Variants in PPIP5K2 observed in about 807,000 individuals in gnomAD.
PPIP5K2 encodes diphosphoinositol pentakisphosphate kinase 2.
Under a neutral mutation model 154.6 loss-of-function variants are expected in PPIP5K2, and 105 were observed. That is an observed-to-expected ratio of 0.68 (90% confidence interval 0.58 to 0.80). The LOEUF (loss-of-function observed/expected upper bound fraction) is 0.80, where lower values mean the gene tolerates loss of function less well. PPIP5K2 is among the 30% of genes least tolerant of loss of function. The probability of loss-of-function intolerance (pLI) is 0.00; values close to 1 mark genes in which losing one functional copy is unlikely to be tolerated. For synonymous variants in PPIP5K2, 480 were observed against 490.3 expected (o/e 0.98, Z 0.28); for missense variants, 992 against 1,504.6 (o/e 0.66, Z 5.64).
intron 1 of PPIP5K2, among the ~76,000 whole-genome samples, chr5:103,123,942 A>G (rs1259315269): frequency 6.6e-6 from 1 of 152,194 alleles, no homozygotes; most frequent in African/African-American, 2.4e-5. Context: ...TAAGTGAAAT[A>G]ATACAAACCA....
chr5:103,174,158 G>A, intron 21 of PPIP5K2, 186 bp downstream of exon 21: 1 of 472,490 alleles, frequency 2.1e-6, no homozygotes, highest in Non-Finnish European at 3.7e-6. Flanking sequence ...GTTCTCTTCA[G>A]AGAAGATACA....
rs544304738 is a variant in PPIP5K2, at chr5:103,159,100, C to T, written c.1738-46C>T. On this transcript the variant is annotated intron_variant, in intron 16 of 30. Transcript: ENST00000358359. ...CAGTATGTAACAAAATATTATTTTA[C>T]GTATTAATTTTTTAAATTCGTGTTT... The T allele has an allele frequency of 3.3e-5, 42 of 1,276,444 alleles. 1 individual carries two copies. The highest frequency in any genetic ancestry group is 1.3e-4 in the Admixed American group (5 of 39,688). 79.1% of individuals were successfully genotyped at this position (1,276,444 alleles called of 1,614,324 possible). A position where few individuals can be genotyped will look rare whatever the true frequency, so the allele number is the denominator to read the frequency against.
intron 20 of PPIP5K2, 142 bp downstream of exon 20, chr5:103,173,424 TAAG>T: frequency 9.4e-7 from 1 of 1,063,332 alleles, no homozygotes; most frequent in Non-Finnish European, 1.3e-6. Flanking sequence ...GTATTTCTAT[TAAG>T]TTCCAACCAA....
intron 1 of PPIP5K2, among the ~76,000 whole-genome samples, chr5:103,124,137 G>C (rs1056347596): frequency 6.6e-6 from 1 of 152,028 alleles, no homozygotes; most frequent in South Asian, 2.1e-4. Flanking sequence ...AAAATTAGCT[G>C]AGTGTGGTGG....
At chr5:103,161,833 T>C (rs891433692) in intron 17 of PPIP5K2, among the ~76,000 whole-genome samples, 1 of 152,002 alleles carries the variant, frequency 6.6e-6, no homozygotes, top group Non-Finnish European at 1.5e-5. Context: ...CTTTGAGTTC[T>C]TTGTAGATTC....
At chr5:103,160,755 A>G (rs533649059) in intron 17 of PPIP5K2, among the ~76,000 whole-genome samples, 2 of 152,214 alleles carry the variant, frequency 1.3e-5, no homozygotes, top group South Asian at 4.1e-4. Flanking sequence ...ATTACAATTT[A>G]TATATGCTTT....
intron 5 of PPIP5K2, among the ~76,000 whole-genome samples, chr5:103,140,653 C>T (rs1395131507): frequency 1.3e-5 from 2 of 149,570 alleles, no homozygotes; most frequent in South Asian, 2.1e-4. Context: ...ATCGAGACCA[C>T]GGTGAAACCC....
intron 5 of PPIP5K2, among the ~76,000 whole-genome samples, chr5:103,145,381 CA>C (rs1183464329): frequency 6.6e-6 from 1 of 152,070 alleles, no homozygotes; most frequent in Non-Finnish European, 1.5e-5. Flanking sequence ...TATGATCTTG[CA>C]ATCCCACTGC....
rs539308860 is a variant in PPIP5K2 at position 103,210,620 on chromosome 5, A to G, written c.*8986A>G. 1 of 152,080 alleles carries G rather than the reference A, an allele frequency of 6.6e-6. No homozygotes were observed. The highest frequency in any genetic ancestry group is 1.5e-5 in the Non-Finnish European group (1 of 67,974). The allele number at this position is 152,080 out of a possible 1,614,324, so 9.4% of individuals were successfully genotyped here. A position where few individuals can be genotyped will look rare whatever the true frequency, so the allele number is the denominator to read the frequency against. On this transcript the variant is annotated 3_prime_UTR_variant, in exon 31 of 31. Transcript: ENST00000358359. ...ACTATTCCTAGCTCCCTTTTCTTTC[A>G]TAGTCAACAAGTGCTTTTTGAACAA...
chr5:103,156,578 A>G (rs1476547650), intron 14 of PPIP5K2, among the ~76,000 whole-genome samples: 2 of 152,096 alleles, frequency 1.3e-5, no homozygotes, highest in African/African-American at 4.8e-5. Context: ...TGATAGTAAT[A>G]ATAATCTGTC....
chr5:103,183,417 C>G lies in PPIP5K2; in HGVS notation c.3096+10C>G, dbSNP rs1554223814. 1 of 1,599,966 alleles carries G rather than the reference C, an allele frequency of 6.3e-7. No individual in the cohort carries two copies. Among genetic ancestry groups the G allele is most frequent in the South Asian group, 1.1e-5 (1 of 89,480 alleles). On this transcript the variant is annotated intron_variant, in intron 25 of 30. Coordinates refer to ENST00000358359, the MANE Select transcript of PPIP5K2 (RefSeq NM_001276277.3). The stretch of plus-strand genomic sequence containing the variant: ...TGGCTCATGGCAACAGGTTTTTAAA[C>G]TTTACTTCATTAAACATTTTTCCTC...
At chr5:103,141,277 G>A (rs928572983) in intron 5 of PPIP5K2, among the ~76,000 whole-genome samples, 10 of 151,906 alleles carry the variant, frequency 6.6e-5, no homozygotes, top group African/African-American at 2.4e-4. Flanking sequence ...TGTCCCTTCC[G>A]ATGTTCAGAT....
Position 103,177,848 on chromosome 5 carries a change from C to T in PPIP5K2, c.2638-16C>T. ...TAAAGTTTCTCATTTTGAAAATGTT[C>T]TGTCATATTTCTTAGGATCTTTCCT... is the stretch of plus-strand genomic sequence containing the variant. On this transcript the variant is annotated splice_polypyrimidine_tract_variant and intron_variant, in intron 22 of 30. Transcript: ENST00000358359. The T allele has an allele frequency of 1.2e-6, 2 of 1,603,078 alleles. No homozygotes were observed. The highest frequency in any genetic ancestry group is 1.7e-6 in the Non-Finnish European group (2 of 1,170,816).
At chr5:103,171,097 C>A (rs1797914679) in intron 19 of PPIP5K2, among the ~76,000 whole-genome samples, 1 of 151,388 alleles carries the variant, frequency 6.6e-6, no homozygotes, top group Non-Finnish European at 1.5e-5. Flanking sequence ...TAATTCCAAT[C>A]ATTTCTAGGC....
In PPIP5K2 at chr5:103,180,152, T is replaced by A; in HGVS notation, c.2886T>A (p.Ser962=). 6.3e-7 allele frequency: 1 copy of A among 1,596,990 alleles called. No homozygotes were observed. Among genetic ancestry groups the A allele is most frequent in the South Asian group, 1.1e-5 (1 of 87,640 alleles). ...VSEPIHIHRK[S]PLPRSRKTAT... is the part of the protein sequence containing the mutation. Reference sequence around the variant, plus strand: ...AGCCAATTCATATACACAGGAAGTCTCCACTTCCAAGATCTAGGAAGACGG... The same window carrying A: ...AGCCAATTCATATACACAGGAAGTCACCACTTCCAAGATCTAGGAAGACGG... The change falls in exon 24 of 31, where the codon TCT becomes TCA. Residue 962 remains serine (S), a synonymous_variant. Coordinates refer to ENST00000358359, the MANE Select transcript of PPIP5K2 (RefSeq NM_001276277.3).
intron 10 of PPIP5K2, 84 bp from the exon 11 acceptor site, chr5:103,153,764 A>G (rs1156505042): frequency 2.3e-6 from 2 of 887,362 alleles, no homozygotes; most frequent in African/African-American, 1.8e-5. Context: ...CTTTAAATAG[A>G]TGACTAAATG....
rs138930308 is a variant in PPIP5K2, at chr5:103,192,437, A to G, written c.3493+1455A>G. Among the ~76,000 whole-genome samples the G allele has an allele frequency of 8.3e-4, 126 of 152,136 alleles. 1 individual carries two copies. In the East Asian group the frequency reaches 0.021, roughly 25 times the overall value. On this transcript the variant is annotated intron_variant, in intron 29 of 30. Transcript: ENST00000358359. ...ATTCTAGTTTACCCCTTCACCCTTA[A>G]TGATGTTTCATTGCTTCCCTGGGGC...
At chr5:103,178,370 C>T (rs1799030095) in intron 23 of PPIP5K2, among the ~76,000 whole-genome samples, 1 of 151,908 alleles carries the variant, frequency 6.6e-6, no homozygotes, top group South Asian at 2.1e-4. Flanking sequence ...TATAGTACTA[C>T]ATCTGATACT....
intron 5 of PPIP5K2, among the ~76,000 whole-genome samples, chr5:103,145,356 A>G (rs1554208803): frequency 6.6e-6 from 1 of 152,120 alleles, no homozygotes; most frequent in African/African-American, 2.4e-5. Flanking sequence ...CAAAAAACTA[A>G]AAATAGAGCT....
Sources: gnomAD v4.1 joint callset for allele counts (sites outside exome capture counted in the v4.1 genomes callset) on GRCh38, gnomAD v4.1.1 for gene constraint, MANE v1.5 for transcripts, NCBI Gene and HGNC (gene_info 2026-07-23, HGNC 2026-07-21) for gene names.